NCAPD2: variants seen among roughly 807,000 people sequenced by gnomAD.
NCAPD2 encodes condensin complex subunit 1.
NCAPD2 carries 100 observed loss-of-function variants against 164.5 expected under a neutral mutation model. That is an observed-to-expected ratio of 0.61 (90% CI 0.52 to 0.72). The LOEUF is 0.72. Among genes scored for constraint, NCAPD2 ranks in the 30% least tolerant of loss-of-function variants. The pLI is 0.00. For synonymous variants in NCAPD2, 585 were observed against 642.6 expected (o/e 0.91, Z 1.36); for missense variants, 1,560 against 1,749.2 (o/e 0.89, Z 1.93).
chr12:6,520,947 G>A (rs1946257736), intron 13 of NCAPD2, 39 bp from the exon 14 acceptor site: 2 of 1,612,622 alleles, frequency 1.2e-6, no homozygotes, highest in Non-Finnish European at 8.5e-7. Flanking sequence ...CGGCTGCAGT[G>A]ACATTCTTCT....
intron 2 of NCAPD2, among the ~76,000 whole-genome samples, chr12:6,504,224 G>GATATAT (rs1224500991): frequency 3.0e-5 from 1 of 32,816 alleles, no homozygotes. Context: ...TATAGATATA[G>GATATAT]ATATATATAT....
chr12:6,524,952 A>G (rs879648585), intron 17 of NCAPD2, among the ~76,000 whole-genome samples: 2 of 152,112 alleles, frequency 1.3e-5, no homozygotes, highest in Admixed American at 6.5e-5. Flanking sequence ...CAAAAGCCCT[A>G]CAAGAGGCAG....
In NCAPD2 at chr12:6,495,645, A is replaced by G. The variant is rs149773166; in HGVS notation, c.127+420A>G. 9.5e-4 allele frequency among the ~76,000 whole-genome samples: 145 copies of G among 152,332 alleles called. 1 individual carries two copies. The highest frequency in any genetic ancestry group is 3.3e-3 in the African/African-American group (137 of 41,578). ...AATTATGGGGACAAAAACCCATAAT[A>G]TATATGTACCACTGCAACACTGAGC... On this transcript the variant is annotated intron_variant, in intron 2 of 31. Transcript: ENST00000315579.
In NCAPD2 at chr12:6,516,941, T is replaced by C. The variant is rs762766576; in HGVS notation, c.1101T>C (p.Asp367=). Residue 367 remains aspartate (D), a synonymous_variant, in exon 10 of 32, where the codon GAT becomes GAC. Transcript: ENST00000315579. The stretch of plus-strand genomic sequence containing the variant: ...GAGACACCAGAGACCAGTTCTTGGA[T>C]ACTTTACAAGCCCATGGCCATGATG... ...AARDTRDQFL[D]TLQAHGHDVN... 29 of 1,614,048 alleles carry C rather than the reference T, an allele frequency of 1.8e-5. No individual in the cohort carries two copies. In the East Asian group the frequency reaches 6.2e-4, roughly 35 times the overall value.
Position 6,529,094 on chromosome 12 carries a change from C to T in NCAPD2, c.3572+55C>T. 4.1e-6 allele frequency: 6 copies of T among 1,469,436 alleles called. No individual in the cohort carries two copies. In the South Asian group the frequency reaches 6.8e-5, roughly 17 times the overall value. The allele number at this position is 1,469,436 out of a possible 1,614,324, so 91.0% of individuals were successfully genotyped here. A position where few individuals can be genotyped will look rare whatever the true frequency, so the allele number is the denominator to read the frequency against. ...TTCCACATAGCACGGGCTTAGGAAT[C>T]AGACACACCTGTATTTGAATTCCAC... On this transcript the variant is annotated intron_variant, in intron 27 of 31. Coordinates refer to ENST00000315579, the MANE Select transcript of NCAPD2 (RefSeq NM_014865.4).
At position 6,525,700 on chromosome 12, in the gene NCAPD2, C is replaced by T. The variant is rs772001628; in HGVS notation, c.2332C>T (p.Leu778Phe). The T allele has an allele frequency of 6.2e-7, 1 of 1,613,514 alleles. No homozygotes were observed. Residue 778 changes from leucine (L) to phenylalanine (F), a missense_variant, in exon 18 of 32, where the codon CTT becomes TTT. By Grantham distance (22) the Leu-to-Phe change is conservative (BLOSUM62 0). Transcript: ENST00000315579. ...GGAGCGCTGTTCCTCTGTCATGCTTCTTGGCATGATGGCACGGTGAGGCTC... is the reference window on the plus strand; with the variant it reads ...GGAGCGCTGTTCCTCTGTCATGCTTTTTGGCATGATGGCACGGTGAGGCTC... ...PLERCSSVML[L>F]GMMARGKPEI...
At chr12:6,523,998 T>C (rs1453839688) in intron 17 of NCAPD2, among the ~76,000 whole-genome samples, 3 of 152,204 alleles carry the variant, frequency 2.0e-5, no homozygotes, top group Non-Finnish European at 4.4e-5. Flanking sequence ...CCCTGTGAGG[T>C]AGCATTATCT....
chr12:6,519,193 G>A (rs1287182241), intron 13 of NCAPD2, among the ~76,000 whole-genome samples: 1 of 152,138 alleles, frequency 6.6e-6, no homozygotes, highest in Non-Finnish European at 1.5e-5. Flanking sequence ...CCCGGCTTGG[G>A]CTGTTTTTAG....
At chr12:6,527,107 C>T in intron 22 of NCAPD2, 44 bp downstream of exon 22, 2 of 1,552,954 alleles carry the variant, frequency 1.3e-6, no homozygotes, top group Admixed American at 1.9e-5. Context: ...TTTCATACCT[C>T]AGCTCAGAAC....
At position 6,514,454 on chromosome 12, in the gene NCAPD2, G is replaced by A; in HGVS notation, c.716-10G>A. 1 of 1,614,102 alleles carries A rather than the reference G, an allele frequency of 6.2e-7. No individual in the cohort carries two copies. Among genetic ancestry groups the A allele is most frequent in the Non-Finnish European group, 8.5e-7 (1 of 1,180,018 alleles). On this transcript the variant is annotated splice_polypyrimidine_tract_variant and intron_variant, in intron 7 of 31. Coordinates refer to ENST00000315579, the MANE Select transcript of NCAPD2 (RefSeq NM_014865.4). ...TTGCCCATAATTTCTCATGTTTAAT[G>A]CTTCCACAGGTGCTACAGTGAAGAT...
At chr12:6,517,304 A>G in intron 10 of NCAPD2, 61 bp from the exon 11 acceptor site, 1 of 1,589,042 alleles carries the variant, frequency 6.3e-7, no homozygotes, top group Admixed American at 1.8e-5. Context: ...CTTAAAGATC[A>G]TCTTGAACAA....
intron 9 of NCAPD2, among the ~76,000 whole-genome samples, chr12:6,515,269 C>T (rs9788053): frequency 0.33 from 50,818 of 151,802 alleles, 8,999 homozygotes; most frequent in African/African-American, 0.45. Context: ...ATTGCAGCCT[C>T]GATCTCCTGG....
intron 2 of NCAPD2, among the ~76,000 whole-genome samples, chr12:6,506,251 T>C (rs1364831055): frequency 1.3e-5 from 2 of 151,994 alleles, no homozygotes; most frequent in Non-Finnish European, 2.9e-5. Flanking sequence ...AACTATCACA[T>C]CCAGCCTGCA....
At chr12:6,499,274 C>A (rs1946012182) in intron 2 of NCAPD2, among the ~76,000 whole-genome samples, 1 of 151,680 alleles carries the variant, frequency 6.6e-6, no homozygotes, top group South Asian at 2.1e-4. Context: ...TGCAGTGGCT[C>A]AATCTCAGCC....
chr12:6,531,588 C>T lies in NCAPD2; in HGVS notation c.*176C>T. On this transcript the variant is annotated 3_prime_UTR_variant, in exon 32 of 32. Transcript: ENST00000315579. The surrounding 1 kb of genome is among the most constrained non-coding windows in gnomAD (Gnocchi z 4.1). ...TGCGATACCAAGGCGGGTGGATAAC[C>T]TGAGGTAGGGAGTTCGAGACCAGCC... 7.4e-7 allele frequency: 1 copy of T among 1,346,730 alleles called. No individual in the cohort carries two copies. Among genetic ancestry groups the T allele is most frequent in the Non-Finnish European group, 1.0e-6 (1 of 989,706 alleles). The allele number at this position is 1,346,730 out of a possible 1,614,324, so 83.4% of individuals were successfully genotyped here. A position where few individuals can be genotyped will look rare whatever the true frequency, so the allele number is the denominator to read the frequency against.
chr12:6,501,433 C>G (rs1297120451), intron 2 of NCAPD2, among the ~76,000 whole-genome samples: 1 of 151,984 alleles, frequency 6.6e-6, no homozygotes. Flanking sequence ...AGTGATCTGC[C>G]TGCCTCGGCC....
Position 6,525,566 on chromosome 12 carries a change from T to A in NCAPD2, c.2215-17T>A. On this transcript the variant is annotated splice_polypyrimidine_tract_variant and intron_variant, in intron 17 of 31. Coordinates refer to ENST00000315579, the MANE Select transcript of NCAPD2 (RefSeq NM_014865.4). ...ATTGTTCATTTTTGGCTTGAGCCCTTTTTCTTTTCTCTTTAGCTCTGTGAG... is the reference window on the plus strand; with the variant it reads ...ATTGTTCATTTTTGGCTTGAGCCCTATTTCTTTTCTCTTTAGCTCTGTGAG... 6.3e-7 allele frequency: 1 copy of A among 1,588,488 alleles called. No homozygotes were observed.
chr12:6,499,672 G>A (rs775252984), intron 2 of NCAPD2, among the ~76,000 whole-genome samples: 5 of 152,116 alleles, frequency 3.3e-5, no homozygotes, highest in East Asian at 1.9e-4. Flanking sequence ...GATTATAGGC[G>A]TGAGCTACTG....
intron 13 of NCAPD2, 121 bp downstream of exon 13, chr12:6,518,080 T>A: frequency 1.1e-6 from 1 of 941,638 alleles, no homozygotes; most frequent in Non-Finnish European, 1.6e-6. Flanking sequence ...CAGGTGATGG[T>A]AGATGTTTTC....
Sources: allele counts gnomAD v4.1 joint callset (sites outside exome capture counted in the v4.1 genomes callset), GRCh38; gene constraint gnomAD v4.1.1; non-coding constraint Gnocchi (gnomAD v3.1); transcripts MANE v1.5; gene names NCBI Gene and HGNC (gene_info 2026-07-23, HGNC 2026-07-21).